ENPP3: variants seen among roughly 807,000 people sequenced by gnomAD.
ENPP3 encodes the protein ectonucleotide pyrophosphatase/phosphodiesterase 3.
A neutral mutation model predicts 117.8 loss-of-function variants in ENPP3; 104 were observed. The ratio of observed to expected loss-of-function variants is 0.88; its 90% CI spans 0.75 to 1.04. ENPP3 has a LOEUF of 1.04. Ranked by LOEUF, ENPP3 falls within the 50% of genes least tolerant of loss-of-function variation. ENPP3 has a pLI of 0.00. For synonymous variants in ENPP3, 380 were observed against 349.9 expected (o/e 1.09, Z -0.96); for missense variants, 1,026 against 1,051.9 (o/e 0.98, Z 0.34).
At chr6:131,735,730 G>A (rs1420749997) in intron 21 of ENPP3, among the ~76,000 whole-genome samples, 3 of 152,132 alleles carry the variant, frequency 2.0e-5, no homozygotes, top group East Asian at 3.9e-4. Context: ...ATGTCCTCAA[G>A]TTTCATTCAT....
intron 7 of ENPP3, among the ~76,000 whole-genome samples, chr6:131,671,726 G>A (rs1414987856): frequency 6.6e-6 from 1 of 152,078 alleles, no homozygotes; most frequent in Admixed American, 6.6e-5. Context: ...CAATTAACTT[G>A]ATAGAACTTC....
chr6:131,681,140 A>T (rs1212727530), intron 11 of ENPP3, among the ~76,000 whole-genome samples: 3 of 152,198 alleles, frequency 2.0e-5, no homozygotes, highest in African/African-American at 7.2e-5. Context: ...ACCAAAGTGC[A>T]GGTCACACTA....
At chr6:131,653,838 G>A (rs1778317915) in intron 5 of ENPP3, among the ~76,000 whole-genome samples, 1 of 152,110 alleles carries the variant, frequency 6.6e-6, no homozygotes, top group Admixed American at 6.5e-5. Flanking sequence ...CTTTGTCAGG[G>A]GGCATAGGTG....
intron 14 of ENPP3, among the ~76,000 whole-genome samples, chr6:131,689,676 T>C (rs2114439721): frequency 6.6e-6 from 1 of 152,368 alleles, no homozygotes; most frequent in South Asian, 2.1e-4. Flanking sequence ...GGAGCAATTT[T>C]AACTTTCAAG....
chr6:131,654,672 G>C (rs1778346337), intron 5 of ENPP3, among the ~76,000 whole-genome samples: 1 of 151,570 alleles, frequency 6.6e-6, no homozygotes, highest in Admixed American at 6.6e-5. Flanking sequence ...CGAACTTCTG[G>C]GCTCAAGTGA....
Position 131,737,377 on chromosome 6 carries a change from C to T in ENPP3, c.2112C>T (p.Ser704=), listed in dbSNP as rs1780420088. The T allele has an allele frequency of 1.9e-6, 3 of 1,608,084 alleles. No homozygotes were observed. The highest frequency in any genetic ancestry group is 3.3e-5 in the Admixed American group (2 of 59,728). Residue 704 remains serine (S), a synonymous_variant, in exon 22 of 25, where the codon AGC becomes AGT. Transcript: ENST00000357639. ...CAGCCAGCAATAGAACATCAGATAG[C>T]CAATATGATGCTTTAATTACTAGCA... ...YPPASNRTSD[S]QYDALITSNL...
At chr6:131,686,301 T>C (rs1171655476) in intron 14 of ENPP3, among the ~76,000 whole-genome samples, 1 of 152,172 alleles carries the variant, frequency 6.6e-6, no homozygotes, top group African/African-American at 2.4e-5. Context: ...ATCTCTTTAC[T>C]CACTAAGTAT....
intron 2 of ENPP3, among the ~76,000 whole-genome samples, chr6:131,643,943 C>CTGTGTG (rs60828787): frequency 1.2e-3 from 167 of 143,074 alleles, no homozygotes; most frequent in African/African-American, 3.8e-3. Flanking sequence ...GTGTGTGTGT[C>CTGTGTG]TGTGTGTGTG....
Position 131,725,234 on chromosome 6 carries a change from T to C in ENPP3, c.1799-812T>C, listed in dbSNP as rs531569159. On this transcript the variant is annotated intron_variant, in intron 19 of 24. Transcript: ENST00000357639. The stretch of plus-strand genomic sequence containing the variant: ...CAGCAAGACTTGGTCTCAAAAGTAA[T>C]GGCAAAAACCACAATTACTTTTGCT... Among the ~76,000 whole-genome samples, 6 of 152,086 alleles carry C rather than the reference T, an allele frequency of 3.9e-5. No individual in the cohort carries two copies. In the East Asian group the frequency reaches 1.2e-3, roughly 29 times the overall value.
intron 11 of ENPP3, among the ~76,000 whole-genome samples, chr6:131,678,997 C>CATTG (rs1554263114): frequency 1.1e-5 from 1 of 89,110 alleles, no homozygotes; most frequent in African/African-American, 6.0e-5. Context: ...TTCCTTCCTT[C>CATTG]CTTGCTTCCT....
At chr6:131,724,232 A>AAAAACAAAAAAAAAAC (rs1780100887) in intron 19 of ENPP3, 141 bp downstream of exon 19, 1 of 608,494 alleles carries the variant, frequency 1.6e-6, no homozygotes, top group African/African-American at 2.0e-5. Flanking sequence ...AAGGTAAAAA[A>AAAAACAAAAAAAAAAC]AAAAAAACTC....
chr6:131,651,669 G>A (rs1403678534), intron 3 of ENPP3, among the ~76,000 whole-genome samples: 1 of 152,168 alleles, frequency 6.6e-6, no homozygotes, highest in Non-Finnish European at 1.5e-5. Flanking sequence ...TGGTGGTGGG[G>A]GGGTGTCCAG....
intron 15 of ENPP3, among the ~76,000 whole-genome samples, chr6:131,711,218 C>G (rs1373713291): frequency 1.4e-4 from 21 of 152,108 alleles, no homozygotes; most frequent in Non-Finnish European, 1.8e-4. Flanking sequence ...ACCACCTCCC[C>G]TGGCCCTCTT....
chr6:131,701,884 GAAAA>G (rs1170025527), intron 15 of ENPP3, among the ~76,000 whole-genome samples: 1 of 97,004 alleles, frequency 1.0e-5, no homozygotes, highest in South Asian at 3.1e-4. Context: ...TCTGTCTCCA[GAAAA>G]AAAAAAAAAA....
chr6:131,663,777 T>C (rs1479429605), intron 6 of ENPP3, among the ~76,000 whole-genome samples: 4 of 152,086 alleles, frequency 2.6e-5, no homozygotes, highest in Non-Finnish European at 2.9e-5. Context: ...ATTTTTGTGG[T>C]GATGCTGGTG....
chr6:131,652,900 G>C lies in ENPP3; in HGVS notation c.464+9G>C. 1 of 1,593,710 alleles carries C rather than the reference G, an allele frequency of 6.3e-7. No individual in the cohort carries two copies. The highest frequency in any genetic ancestry group is 8.6e-7 in the Non-Finnish European group (1 of 1,161,984). ...TCTCAGTGCCCAGAAGGGTGAGCAT[G>C]ACTGATACAGGGATTTTTATCCTCC... On this transcript the variant is annotated intron_variant, in intron 5 of 24. Transcript: ENST00000357639.
At chr6:131,688,290 C>T (rs913734355) in intron 14 of ENPP3, among the ~76,000 whole-genome samples, 1 of 152,100 alleles carries the variant, frequency 6.6e-6, no homozygotes, top group Non-Finnish European at 1.5e-5. Flanking sequence ...TCTTCTATTC[C>T]CTGAGGCATA....
chr6:131,685,229 G>A (rs1779126882), intron 12 of ENPP3, 135 bp from the exon 13 acceptor site: 1 of 763,618 alleles, frequency 1.3e-6, no homozygotes, highest in East Asian at 2.6e-5. Flanking sequence ...AGAGTAATAG[G>A]GTGAATTGCG....
intron 24 of ENPP3, among the ~76,000 whole-genome samples, chr6:131,745,020 C>A (rs1678351776): frequency 6.6e-6 from 1 of 152,016 alleles, no homozygotes; most frequent in African/African-American, 2.4e-5. Context: ...TTGTGTTATG[C>A]TTTGTGGTCA....
Sources: gnomAD v4.1 joint callset for allele counts (sites outside exome capture counted in the v4.1 genomes callset) on GRCh38, gnomAD v4.1.1 for gene constraint, MANE v1.5 for transcripts, NCBI Gene and HGNC (gene_info 2026-07-23, HGNC 2026-07-21) for gene names.